Variants in POU6F2 observed in about 807,000 individuals in gnomAD.
The protein encoded by POU6F2 is POU class 6 homeobox 2.
A neutral mutation model predicts 71.3 loss-of-function variants in POU6F2; 31 were observed. That is an observed-to-expected ratio of 0.43 (90% CI 0.33 to 0.59). POU6F2 has a LOEUF of 0.59. Among genes scored for constraint, POU6F2 ranks in the 20% least tolerant of loss-of-function variants. The pLI is 0.04. For missense variants in POU6F2, 783 were observed against 856.8 expected (o/e 0.91, Z 1.07); for synonymous variants, 347 against 355.7 (o/e 0.98, Z 0.27).
intron 5 of POU6F2, chr7:39,406,234 T>C: frequency 4.8e-6 from 1 of 207,844 alleles, no homozygotes; most frequent in Non-Finnish European, 9.8e-6. Flanking sequence ...TTCTGTCTGG[T>C]TACCTCAGGG....
At chr7:39,098,964 G>T (rs1047064527) in intron 2 of POU6F2, among the ~76,000 whole-genome samples, 1 of 152,150 alleles carries the variant, frequency 6.6e-6, no homozygotes, top group Non-Finnish European at 1.5e-5. Context: ...GCCCCCAAGG[G>T]TCCTCCTGAT....
intron 6 of POU6F2, among the ~76,000 whole-genome samples, chr7:39,423,964 G>A (rs1787910555): frequency 6.6e-6 from 1 of 152,184 alleles, no homozygotes; most frequent in Non-Finnish European, 1.5e-5. Context: ...ATGGTAGACT[G>A]GATGGCTTAC....
At chr7:39,396,457 G>C (rs2115852858) in intron 5 of POU6F2, among the ~76,000 whole-genome samples, 1 of 152,212 alleles carries the variant, frequency 6.6e-6, no homozygotes. Flanking sequence ...GCACAACTTG[G>C]ACCTGGGCCC....
At chr7:39,142,147 T>C (rs898485180) in intron 2 of POU6F2, among the ~76,000 whole-genome samples, 1 of 152,156 alleles carries the variant, frequency 6.6e-6, no homozygotes, top group African/African-American at 2.4e-5. Context: ...CTTGCTCTTC[T>C]AATAAAACTC....
intron 2 of POU6F2, among the ~76,000 whole-genome samples, chr7:39,191,228 A>G (rs1364405056): frequency 6.6e-6 from 1 of 152,206 alleles, no homozygotes; most frequent in East Asian, 1.9e-4. Context: ...GCGGCATGTC[A>G]TGGTTTAACT....
At chr7:39,167,609 C>G (rs1475096108) in intron 2 of POU6F2, among the ~76,000 whole-genome samples, 3 of 152,088 alleles carry the variant, frequency 2.0e-5, no homozygotes, top group Non-Finnish European at 4.4e-5. Flanking sequence ...ATGACTGTAG[C>G]ATTTTATACA....
intron 4 of POU6F2, among the ~76,000 whole-genome samples, chr7:39,325,157 G>T (rs1392892450): frequency 6.6e-6 from 1 of 152,100 alleles, no homozygotes; most frequent in Non-Finnish European, 1.5e-5. Context: ...ATCTGGAACA[G>T]AATTACAAAT....
At chr7:39,450,599 G>C (rs76372885) in intron 7 of POU6F2, among the ~76,000 whole-genome samples, 5 of 152,098 alleles carry the variant, frequency 3.3e-5, no homozygotes, top group African/African-American at 1.2e-4. Flanking sequence ...ACAGTCCTTT[G>C]ATAACCTGTA....
intron 5 of POU6F2, among the ~76,000 whole-genome samples, chr7:39,378,513 G>A (rs142280157): frequency 3.5e-4 from 54 of 152,310 alleles, no homozygotes; most frequent in African/African-American, 1.2e-3. Context: ...ATGGAAGAGC[G>A]TGAACCAAGA....
chr7:39,415,723 A>G (rs1411527092), intron 6 of POU6F2, among the ~76,000 whole-genome samples: 1 of 152,202 alleles, frequency 6.6e-6, no homozygotes, highest in Non-Finnish European at 1.5e-5. Flanking sequence ...TGACTTCCAG[A>G]AAAGAACAAT....
At chr7:39,177,680 G>A (rs1793357318) in intron 2 of POU6F2, among the ~76,000 whole-genome samples, 1 of 152,140 alleles carries the variant, frequency 6.6e-6, no homozygotes, top group Admixed American at 6.5e-5. Context: ...AATGAGCTTG[G>A]ACTCAGAGAG....
At chr7:39,361,930 T>C (rs1348894959) in intron 5 of POU6F2, among the ~76,000 whole-genome samples, 1 of 152,194 alleles carries the variant, frequency 6.6e-6, no homozygotes, top group Non-Finnish European at 1.5e-5. Flanking sequence ...AGAGTGATTC[T>C]GTCTCATGGA....
At position 39,004,313 on chromosome 7, in the gene POU6F2, T is replaced by C. The variant is rs532159283; in HGVS notation, c.105+26255T>C. Among the ~76,000 whole-genome samples the C allele has an allele frequency of 2.0e-5, 3 of 152,364 alleles. No homozygotes were observed. In the South Asian group the frequency reaches 6.2e-4, roughly 32 times the overall value. ...TAGCCATAGCTTGGACATATTATTG[T>C]CAATATGAGTATTAGGCACATTTGA... On this transcript the variant is annotated intron_variant, in intron 1 of 9. Transcript: ENST00000518318.
At chr7:39,383,803 A>G (rs913496429) in intron 5 of POU6F2, among the ~76,000 whole-genome samples, 7 of 152,344 alleles carry the variant, frequency 4.6e-5, no homozygotes, top group South Asian at 2.1e-4. Context: ...GAGAAAGTAC[A>G]TCTTTTCCAA....
intron 7 of POU6F2, among the ~76,000 whole-genome samples, chr7:39,442,766 T>TA (rs1298118094): frequency 6.6e-6 from 1 of 152,194 alleles, no homozygotes; most frequent in Non-Finnish European, 1.5e-5. Flanking sequence ...TACAATCTGC[T>TA]AAAAACCTTT....
chr7:39,007,366 C>A (rs1441035986), intron 1 of POU6F2, among the ~76,000 whole-genome samples: 2 of 152,002 alleles, frequency 1.3e-5, no homozygotes, highest in African/African-American at 4.8e-5. Context: ...TCAGTAATAC[C>A]CACAGTTTCC....
chr7:39,234,803 C>T (rs1458749767), intron 4 of POU6F2, among the ~76,000 whole-genome samples: 2 of 152,128 alleles, frequency 1.3e-5, no homozygotes, highest in Non-Finnish European at 2.9e-5. Context: ...TCAATAGTAC[C>T]ATTGTTCCAT....
chr7:38,985,362 C>T (rs1788436870), intron 1 of POU6F2, among the ~76,000 whole-genome samples: 1 of 152,084 alleles, frequency 6.6e-6, no homozygotes, highest in Admixed American at 6.6e-5. Context: ...CACTTAGTGT[C>T]AGTCCTGATG....
intron 1 of POU6F2, among the ~76,000 whole-genome samples, chr7:38,991,857 T>A (rs1788611691): frequency 6.8e-6 from 1 of 146,304 alleles, no homozygotes; most frequent in Admixed American, 6.7e-5. Flanking sequence ...TCTCTCTCTC[T>A]CCCTCTCTCT....
Sources: gnomAD v4.1 joint callset for allele counts (sites outside exome capture counted in the v4.1 genomes callset) on GRCh38, gnomAD v4.1.1 for gene constraint, MANE v1.5 for transcripts, NCBI Gene and HGNC (gene_info 2026-07-23, HGNC 2026-07-21) for gene names.